Variants in DNAH11 observed in about 807,000 individuals in gnomAD.
The protein encoded by DNAH11 is axonemal beta dynein heavy chain 11.
A neutral mutation model predicts 526.0 loss-of-function variants in DNAH11; 442 were observed. That is an observed-to-expected ratio of 0.84 (90% CI 0.78 to 0.91). DNAH11 has a LOEUF of 0.91. Among genes scored for constraint, DNAH11 ranks in the 40% least tolerant of loss-of-function variants. The pLI, the probability that DNAH11 is intolerant of heterozygous loss-of-function variation, is 0.00. For missense variants in DNAH11, 6,989 were observed against 5,448.7 expected, an observed-to-expected ratio of 1.28 and a Z score of -8.90; for synonymous variants, 2,461 against 1,935.9, an observed-to-expected ratio of 1.27 and a Z score of -7.12.
At chr7:21,573,777 G>A (rs1213733359) in intron 8 of DNAH11, among the ~76,000 whole-genome samples, 1 of 152,006 alleles carries the variant, frequency 6.6e-6, no homozygotes, top group Non-Finnish European at 1.5e-5. Flanking sequence ...TCCTGCTCCT[G>A]CCCCATCCCC....
chr7:21,649,656 C>CT (rs576947483), intron 28 of DNAH11, among the ~76,000 whole-genome samples: 3,948 of 140,210 alleles, frequency 0.028, 100 homozygotes, highest in South Asian at 0.09. Context: ...GTATCCTACT[C>CT]TTTTTTTTTT....
At chr7:21,620,128 A>T in intron 25 of DNAH11, 50 bp downstream of exon 25, 1 of 1,400,290 alleles carries the variant, frequency 7.1e-7, no homozygotes, top group Non-Finnish European at 9.6e-7. Flanking sequence ...TTTTTATTTG[A>T]CAAATAATTG....
intron 43 of DNAH11, among the ~76,000 whole-genome samples, chr7:21,718,255 C>A (rs1282540232): frequency 6.6e-6 from 1 of 152,088 alleles, no homozygotes; most frequent in Non-Finnish European, 1.5e-5. Flanking sequence ...TTTGTTGAAT[C>A]ACTGTGTTCC....
Position 21,558,835 on chromosome 7 carries a change from C to G in DNAH11, c.529C>G (p.His177Asp), listed in dbSNP as rs752016007. The G allele has an allele frequency of 2.2e-5, 35 of 1,602,112 alleles. No homozygotes were observed. The highest frequency in any genetic ancestry group is 3.0e-5 in the Non-Finnish European group (35 of 1,175,078). ...LVPVLSNKNN[H>D]KSWSCFTSQD... ...GCCAGTTCTTTCTAATAAGAACAAC[C>G]ATAAGTCCTGGTCCTGTTTTACTTC... Residue 177 changes from histidine (H) to aspartate (D), a missense_variant, in exon 3 of 82, where the codon CAT becomes GAT. Physicochemically the swap from His to Asp is moderately conservative, Grantham distance 81 (BLOSUM62 -1). Coordinates refer to ENST00000409508, the MANE Select transcript of DNAH11 (RefSeq NM_001277115.2).
chr7:21,775,131 A>G (rs892279120), intron 56 of DNAH11, among the ~76,000 whole-genome samples: 11 of 152,152 alleles, frequency 7.2e-5, no homozygotes, highest in East Asian at 1.9e-4. Context: ...TTAGTTTTCT[A>G]TACCAAGAAT....
rs184805655 is a variant in DNAH11 at position 21,625,549 on chromosome 7, G to A, written c.4500+5471G>A. Reference sequence around the variant, plus strand: ...CATTTTTTCCTACTATTGATTGTGGGCTTAGTTTGTTCTTCTTTTTCTAGT... The same window carrying A: ...CATTTTTTCCTACTATTGATTGTGGACTTAGTTTGTTCTTCTTTTTCTAGT... On this transcript the variant is annotated intron_variant, in intron 25 of 81. Coordinates refer to ENST00000409508, the MANE Select transcript of DNAH11 (RefSeq NM_001277115.2). 5.3e-5 allele frequency among the ~76,000 whole-genome samples: 8 copies of A among 152,062 alleles called. No homozygotes were observed. In the East Asian group the frequency reaches 1.2e-3, roughly 22 times the overall value.
intron 35 of DNAH11, among the ~76,000 whole-genome samples, chr7:21,693,968 G>T (rs950381265): frequency 2.6e-5 from 4 of 152,096 alleles, no homozygotes; most frequent in Non-Finnish European, 2.9e-5. Context: ...AGGTGGGGAA[G>T]TGCCACGCAC....
chr7:21,562,745 A>G (rs1209739983), intron 5 of DNAH11, among the ~76,000 whole-genome samples: 2 of 152,204 alleles, frequency 1.3e-5, no homozygotes, highest in Admixed American at 6.5e-5. Flanking sequence ...TGACATAAAC[A>G]TTGATAAAAA....
Position 21,659,328 on chromosome 7 carries a change from A to G in DNAH11, c.5328+297A>G, listed in dbSNP as rs562667256. ...TGTGTAAGACTCTCCAACTAGGCAG[A>G]TCATGTATTTATTAGAAAATATGTG... is the stretch of plus-strand genomic sequence containing the variant. On this transcript the variant is annotated intron_variant, in intron 30 of 81. Transcript: ENST00000409508. 3.3e-5 allele frequency among the ~76,000 whole-genome samples: 5 copies of G among 150,510 alleles called. No homozygotes were observed. The South Asian group carries it at 8.5e-4, about 26-fold the overall frequency.
chr7:21,552,985 G>A (rs1055325024), intron 2 of DNAH11, among the ~76,000 whole-genome samples: 4 of 151,866 alleles, frequency 2.6e-5, no homozygotes, highest in African/African-American at 7.3e-5. Flanking sequence ...TGTTGTACGG[G>A]TGACATGCAG....
chr7:21,563,087 G>T (rs1027252147), intron 5 of DNAH11, among the ~76,000 whole-genome samples: 1 of 152,130 alleles, frequency 6.6e-6, no homozygotes, highest in Non-Finnish European at 1.5e-5. Context: ...TCCATTTAGG[G>T]TATATTAAAA....
chr7:21,884,081 T>C (rs1180004980), intron 75 of DNAH11, among the ~76,000 whole-genome samples: 1 of 152,206 alleles, frequency 6.6e-6, no homozygotes, highest in African/African-American at 2.4e-5. Context: ...TCAATGTTAG[T>C]GAATTTTCAC....
At chr7:21,580,462 G>A (rs1430387476) in intron 8 of DNAH11, among the ~76,000 whole-genome samples, 1 of 152,208 alleles carries the variant, frequency 6.6e-6, no homozygotes, top group African/African-American at 2.4e-5. Context: ...TTTTCAGCTT[G>A]TGTGAAATTC....
intron 77 of DNAH11, among the ~76,000 whole-genome samples, chr7:21,893,323 T>C (rs1784394596): frequency 6.7e-6 from 1 of 150,068 alleles, no homozygotes; most frequent in South Asian, 2.1e-4. Flanking sequence ...TTCCACTTGC[T>C]CTATCTTTTT....
intron 8 of DNAH11, among the ~76,000 whole-genome samples, chr7:21,577,515 C>A (rs1323823005): frequency 6.6e-6 from 1 of 152,136 alleles, no homozygotes; most frequent in East Asian, 1.9e-4. Flanking sequence ...TTGGAGCAAA[C>A]CTGATGGAGA....
chr7:21,828,810 ATGTTGT>A (rs149793138), intron 65 of DNAH11, among the ~76,000 whole-genome samples: 1 of 149,076 alleles, frequency 6.7e-6, no homozygotes, highest in Middle Eastern at 3.2e-3. Context: ...TGAAACACCA[ATGTTGT>A]TGTTGTTGTT....
intron 65 of DNAH11, among the ~76,000 whole-genome samples, chr7:21,832,770 G>T (rs1781839214): frequency 6.6e-6 from 1 of 152,138 alleles, no homozygotes; most frequent in Non-Finnish European, 1.5e-5. Context: ...GTGCAGCCTG[G>T]GAACCAAGAA....
At chr7:21,594,098 A>ACACACACACT (rs534629301) in intron 14 of DNAH11, among the ~76,000 whole-genome samples, 3,140 of 147,766 alleles carry the variant, frequency 0.021, 77 homozygotes, top group African/African-American at 0.064. Context: ...ACACACACAC[A>ACACACACACT]CTCTGAAGCC....
intron 63 of DNAH11, among the ~76,000 whole-genome samples, chr7:21,814,690 A>G (rs1031142309): frequency 6.6e-6 from 1 of 152,044 alleles, no homozygotes; most frequent in African/African-American, 2.4e-5. Flanking sequence ...CAGTGTCACT[A>G]GGTGATAGGA....
Sources: gnomAD v4.1 joint callset for allele counts (sites outside exome capture counted in the v4.1 genomes callset) on GRCh38, gnomAD v4.1.1 for gene constraint, MANE v1.5 for transcripts, NCBI Gene and HGNC (gene_info 2026-07-23, HGNC 2026-07-21) for gene names.